SMARCB1: variants seen among roughly 807,000 people sequenced by gnomAD.
The protein encoded by SMARCB1 is SWI/SNF related BAF chromatin remodeling complex subunit B1, also known as SWI/SNF-related matrix-associated actin-dependent regulator of chromatin subfamily B member 1.
Under a neutral mutation model 49.0 loss-of-function variants are expected in SMARCB1, and 5 were observed. The observed-to-expected ratio is 0.10, with a 90% CI of 0.05 to 0.21. SMARCB1 has a LOEUF of 0.21. Among genes scored for constraint, SMARCB1 ranks in the 10% least tolerant of loss-of-function variants. The pLI, the probability that SMARCB1 is intolerant of heterozygous loss-of-function variation, is 1.00. For missense variants in SMARCB1, 226 were observed against 509.2 expected, an observed-to-expected ratio of 0.44 and a Z score of 5.35; for synonymous variants, 201 against 200.1, an observed-to-expected ratio of 1.00 and a Z score of -0.04.
At position 23,825,205 on chromosome 22, in the gene SMARCB1, T is replaced by C; in HGVS notation, c.796-20T>C. 6.2e-7 allele frequency: 1 copy of C among 1,612,104 alleles called. No individual in the cohort carries two copies. Among genetic ancestry groups the C allele is most frequent in the South Asian group, 1.1e-5 (1 of 91,048 alleles). ...TGGGCTGCAAAAGCTCTAACTTGTG[T>C]CCTTTGGTTGTTGCCTCAGCTGAAC... is the stretch of plus-strand genomic sequence containing the variant. On this transcript the variant is annotated intron_variant, in intron 6 of 8. Transcript: ENST00000644036.
Position 23,835,459 on chromosome 22 carries a change from G to A in SMARCB1, c.*1279G>A, listed in dbSNP as rs1601450848. The A allele has an allele frequency of 1.0e-6, 1 of 986,022 alleles. No homozygotes were observed. The highest frequency in any genetic ancestry group is 1.2e-6 in the Non-Finnish European group (1 of 830,370). 61.1% of individuals were successfully genotyped at this position (986,022 alleles called of 1,614,324 possible). A position where few individuals can be genotyped will look rare whatever the true frequency, so the allele number is the denominator to read the frequency against. On this transcript the variant is annotated 3_prime_UTR_variant, in exon 9 of 9. Coordinates refer to ENST00000644036, the MANE Select transcript of SMARCB1 (RefSeq NM_003073.5). ...GGGGTAGGGCCCCATGTGGGGCAGA[G>A]GCAGAGCTCTGATTAGGGATTGGGG...
chr22:23,829,446 C>T (rs1370585228), intron 7 of SMARCB1, among the ~76,000 whole-genome samples: 2 of 152,170 alleles, frequency 1.3e-5, no homozygotes, highest in Non-Finnish European at 2.9e-5. Context: ...AGCAGTCCTA[C>T]ACGTACAGGG....
intron 7 of SMARCB1, among the ~76,000 whole-genome samples, chr22:23,827,024 A>G (rs1171266609): frequency 6.6e-6 from 1 of 152,210 alleles, no homozygotes; most frequent in Non-Finnish European, 1.5e-5. Context: ...CACCCTGCAC[A>G]GAGCCAAGCC....
At chr22:23,800,612 C>CT (rs1258034050) in intron 3 of SMARCB1, among the ~76,000 whole-genome samples, 1 of 152,160 alleles carries the variant, frequency 6.6e-6, no homozygotes, top group East Asian at 1.9e-4. Flanking sequence ...AGGCTGTGCT[C>CT]TATTATCCAC....
intron 6 of SMARCB1, among the ~76,000 whole-genome samples, chr22:23,819,752 G>T (rs2029976371): frequency 4.8e-5 from 2 of 41,680 alleles, no homozygotes; most frequent in Admixed American, 2.4e-4. Context: ...CTCGGTGGCT[G>T]CACCTTTTAT....
At chr22:23,814,848 T>C (rs1260074794) in intron 5 of SMARCB1, 1 of 151,588 alleles carries the variant, frequency 6.6e-6, no homozygotes, top group African/African-American at 2.4e-5. Context: ...CGCATGCCTG[T>C]AATTCCAGCT....
chr22:23,792,146 G>T, intron 2 of SMARCB1: 1 of 502,014 alleles, frequency 2.0e-6, no homozygotes, highest in Non-Finnish European at 3.7e-6. Context: ...ACACTAGCAG[G>T]TGCTGTGAAG....
intron 6 of SMARCB1, among the ~76,000 whole-genome samples, chr22:23,819,644 CT>C (rs1213979986): frequency 1.3e-5 from 2 of 151,948 alleles, no homozygotes; most frequent in Non-Finnish European, 2.9e-5. Context: ...TGTCTGGCCC[CT>C]GCTTTCATTT....
intron 3 of SMARCB1, among the ~76,000 whole-genome samples, chr22:23,796,204 A>G (rs1349476103): frequency 6.6e-6 from 1 of 152,184 alleles, no homozygotes; most frequent in East Asian, 1.9e-4. Context: ...AACAAAATGA[A>G]TCAGTAAACC....
At chr22:23,826,383 C>T (rs2030381983) in intron 7 of SMARCB1, 1 of 151,546 alleles carries the variant, frequency 6.6e-6, no homozygotes, top group Non-Finnish European at 1.5e-5. Flanking sequence ...CAAGATCACA[C>T]CACTGCACTC....
chr22:23,789,356 G>A (rs962190338), intron 1 of SMARCB1, among the ~76,000 whole-genome samples: 3 of 152,206 alleles, frequency 2.0e-5, no homozygotes, highest in Non-Finnish European at 4.4e-5. Flanking sequence ...TGTGATACTA[G>A]GCGAGTTGTT....
chr22:23,787,383 T>G, intron 1 of SMARCB1, 121 bp downstream of exon 1: 1 of 461,442 alleles, frequency 2.2e-6, no homozygotes, highest in Admixed American at 4.8e-5. Context: ...GCGCGCGCGC[T>G]CGGGGCTGTG....
In SMARCB1 at chr22:23,808,777, C is replaced by T. The variant is rs140846685; in HGVS notation, c.628+5355C>T. 2.4e-3 allele frequency among the ~76,000 whole-genome samples: 371 copies of T among 151,436 alleles called. 4 individuals carry two copies. The East Asian group carries it at 0.036, about 15-fold the overall frequency. ...GCAGTTGCACAGTCTCAGCTCATCA[C>T]AACCTCTACCTCCCGGGTTCAAGTG... On this transcript the variant is annotated intron_variant, in intron 5 of 8. Coordinates refer to ENST00000644036, the MANE Select transcript of SMARCB1 (RefSeq NM_003073.5).
At chr22:23,790,452 T>C (rs1206974201) in intron 1 of SMARCB1, among the ~76,000 whole-genome samples, 1 of 152,196 alleles carries the variant, frequency 6.6e-6, no homozygotes, top group African/African-American at 2.4e-5. Context: ...TCCTAGCACT[T>C]TGGGAGGCCC....
chr22:23,820,551 C>G (rs2030030007), intron 6 of SMARCB1, among the ~76,000 whole-genome samples: 1 of 152,200 alleles, frequency 6.6e-6, no homozygotes, highest in African/African-American at 2.4e-5. Flanking sequence ...TCCAGCCTGG[C>G]TGACAGCGAG....
At chr22:23,793,377 T>G in intron 2 of SMARCB1, 182 bp from the exon 3 acceptor site, 1 of 739,868 alleles carries the variant, frequency 1.4e-6, no homozygotes, top group South Asian at 1.4e-5. Flanking sequence ...GCAGGACTTG[T>G]AAGTAAAGCA....
chr22:23,825,702 A>G, intron 7 of SMARCB1: 1 of 476,222 alleles, frequency 2.1e-6, no homozygotes. Context: ...GCCTGCCCCC[A>G]CCATCCACCA....
At chr22:23,806,899 G>A (rs1335847484) in intron 5 of SMARCB1, among the ~76,000 whole-genome samples, 5 of 137,162 alleles carry the variant, frequency 3.6e-5, no homozygotes, top group African/African-American at 1.1e-4. Context: ...CAACCTGGGC[G>A]ACAGAGTGAG....
At chr22:23,822,536 A>G (rs114214852) in intron 6 of SMARCB1, among the ~76,000 whole-genome samples, 18,818 of 152,080 alleles carry the variant, frequency 0.12, 1,250 homozygotes, top group South Asian at 0.27. Context: ...AGCTCAGCCC[A>G]TGTCTCTTGT....
Sources: allele counts gnomAD v4.1 joint callset (sites outside exome capture counted in the v4.1 genomes callset), GRCh38; gene constraint gnomAD v4.1.1; transcripts MANE v1.5; gene names NCBI Gene and HGNC (gene_info 2026-07-23, HGNC 2026-07-21).